The following SKAP1 variants were observed in gnomAD, a reference collection of about 807,000 sequenced individuals.
SKAP1 encodes src kinase associated phosphoprotein 1.
SKAP1 carries 44 observed loss-of-function variants against 58.5 expected under a neutral mutation model. That is an observed-to-expected ratio of 0.75 (90% CI 0.59 to 0.97). The LOEUF (loss-of-function observed/expected upper bound fraction) is 0.97. Ranked by LOEUF, SKAP1 falls within the 50% of genes least tolerant of loss-of-function variation. The probability of loss-of-function intolerance (pLI) is 0.00; values close to 1 mark genes in which losing one functional copy is unlikely to be tolerated. For missense variants in SKAP1, 390 were observed against 435.2 expected (o/e 0.90, Z 0.92); for synonymous variants, 127 against 149.7 (o/e 0.85, Z 1.11).
At chr17:48,433,164 T>C (rs2067927558), upstream of SKAP1, among the ~76,000 whole-genome samples, 1 of 152,246 alleles carries the variant, frequency 6.6e-6, no homozygotes. Flanking sequence ...TTCTGTTAAA[T>C]GGACAAATTC....
chr17:48,300,280 C>A (rs2144123899), intron 4 of SKAP1, among the ~76,000 whole-genome samples: 1 of 152,210 alleles, frequency 6.6e-6, no homozygotes, highest in East Asian at 1.9e-4. Flanking sequence ...GTCTCCACCC[C>A]ATATCTTCAA....
intron 4 of SKAP1, among the ~76,000 whole-genome samples, chr17:48,258,984 T>A (rs2065456193): frequency 6.6e-6 from 1 of 152,112 alleles, no homozygotes; most frequent in South Asian, 2.1e-4. Context: ...TGATTAATAC[T>A]TTCCAAACTA....
chr17:48,383,760 A>G (rs1466894686), intron 2 of SKAP1, among the ~76,000 whole-genome samples: 1 of 133,674 alleles, frequency 7.5e-6, no homozygotes, highest in East Asian at 2.2e-4. Context: ...TCTGTTGCCC[A>G]GGCTGGAGTG....
At chr17:48,206,160 A>G (rs2064807258) in intron 4 of SKAP1, among the ~76,000 whole-genome samples, 2 of 152,242 alleles carry the variant, frequency 1.3e-5, no homozygotes, top group Admixed American at 1.3e-4. Context: ...AAGTTTGGAA[A>G]GAATTAGGGA....
intron 4 of SKAP1, among the ~76,000 whole-genome samples, chr17:48,237,369 G>C (rs989530104): frequency 1.3e-5 from 2 of 152,170 alleles, no homozygotes; most frequent in Non-Finnish European, 2.9e-5. Flanking sequence ...GTAGCTAGAA[G>C]GTGGTAGTGA....
chr17:48,321,148 T>C (rs556049462), intron 4 of SKAP1, among the ~76,000 whole-genome samples: 5 of 152,268 alleles, frequency 3.3e-5, no homozygotes, highest in Admixed American at 3.3e-4. Flanking sequence ...TAGAAGGAAC[T>C]ACCCATTTGT....
At chr17:48,184,959 A>T in intron 6 of SKAP1, 112 bp from the exon 7 acceptor site, 1 of 1,027,262 alleles carries the variant, frequency 9.7e-7, no homozygotes, top group Non-Finnish European at 1.4e-6. Context: ...ATCCCTGAGG[A>T]ACCACAATAG....
chr17:48,376,124 TA>T (rs10710525), intron 2 of SKAP1, among the ~76,000 whole-genome samples: 26,198 of 152,108 alleles, frequency 0.17, 2,311 homozygotes, highest in Non-Finnish European at 0.19. Context: ...TGTTGACGCT[TA>T]AAAACCTAAT....
chr17:48,293,815 T>C (rs1007203607), intron 4 of SKAP1, among the ~76,000 whole-genome samples: 9 of 152,312 alleles, frequency 5.9e-5, no homozygotes, highest in South Asian at 2.1e-4. Flanking sequence ...CGCTCTGACA[T>C]TGACATTCAC....
intron 4 of SKAP1, among the ~76,000 whole-genome samples, chr17:48,238,938 A>G (rs1003195631): frequency 2.6e-5 from 4 of 152,190 alleles, no homozygotes; most frequent in African/African-American, 9.7e-5. Flanking sequence ...GAGATCTTCA[A>G]ATGAAAGATG....
intron 1 of SKAP1, among the ~76,000 whole-genome samples, chr17:48,426,365 C>T (rs1228210205): frequency 2.0e-5 from 3 of 152,206 alleles, no homozygotes; most frequent in Non-Finnish European, 4.4e-5. Flanking sequence ...GCAGTTGGGA[C>T]CTATCAGCTA....
At chr17:48,353,682 G>T (rs1055549439) in intron 3 of SKAP1, among the ~76,000 whole-genome samples, 4 of 152,034 alleles carry the variant, frequency 2.6e-5, no homozygotes, top group Non-Finnish European at 4.4e-5. Flanking sequence ...AATCACCTGA[G>T]GTCAGGAGTT....
intron 4 of SKAP1, among the ~76,000 whole-genome samples, chr17:48,265,362 C>T (rs1012315401): frequency 1.3e-4 from 19 of 151,834 alleles, no homozygotes; most frequent in Non-Finnish European, 2.1e-4. Flanking sequence ...AAAATTAGCC[C>T]GGCATGGTAG....
intron 4 of SKAP1, among the ~76,000 whole-genome samples, chr17:48,245,796 T>A (rs2143845073): frequency 6.6e-6 from 1 of 152,194 alleles, no homozygotes; most frequent in Middle Eastern, 3.4e-3. Context: ...GCCAACAGGG[T>A]GAAACCCTGT....
chr17:48,409,985 G>C (rs1015836448), intron 1 of SKAP1, among the ~76,000 whole-genome samples: 3 of 152,172 alleles, frequency 2.0e-5, no homozygotes, highest in African/African-American at 7.2e-5. Flanking sequence ...AAGGGGAAAG[G>C]GAAAAGGCGC....
intron 4 of SKAP1, among the ~76,000 whole-genome samples, chr17:48,278,331 T>C (rs1287564177): frequency 6.6e-6 from 1 of 152,190 alleles, no homozygotes; most frequent in Non-Finnish European, 1.5e-5. Context: ...TCTTGACACA[T>C]AGTAGTAGAT....
At chr17:48,333,815 T>C (rs1209776711) in intron 4 of SKAP1, among the ~76,000 whole-genome samples, 1 of 151,980 alleles carries the variant, frequency 6.6e-6, no homozygotes, top group Non-Finnish European at 1.5e-5. Flanking sequence ...GGGGAAAACA[T>C]TTAAAATACT....
chr17:48,418,655 A>G (rs2067759539), intron 1 of SKAP1, among the ~76,000 whole-genome samples: 1 of 152,278 alleles, frequency 6.6e-6, no homozygotes, highest in South Asian at 2.1e-4. Context: ...AAGAATGCTC[A>G]TAGCAGCTGT....
chr17:48,236,146 T>G (rs1470731144), intron 4 of SKAP1, among the ~76,000 whole-genome samples: 1 of 152,238 alleles, frequency 6.6e-6, no homozygotes, highest in Non-Finnish European at 1.5e-5. Context: ...GCAAAGCTCT[T>G]TAAAGTTGAA....
Sources: gnomAD v4.1 joint callset for allele counts (sites outside exome capture counted in the v4.1 genomes callset) on GRCh38, gnomAD v4.1.1 for gene constraint, MANE v1.5 for transcripts, NCBI Gene and HGNC (gene_info 2026-07-23, HGNC 2026-07-21) for gene names.